Variants in MYLK3 observed in about 807,000 individuals in gnomAD.
MYLK3 encodes myosin light chain kinase 3.
In MYLK3, 55 loss-of-function variants were observed where a neutral mutation model predicts 76.3. That is an observed-to-expected ratio of 0.72 (90% CI 0.58 to 0.90). MYLK3 has a LOEUF of 0.90. MYLK3 is among the 40% of genes least tolerant of loss of function. The pLI is 0.00. For missense variants in MYLK3, 973 were observed against 1,053.6 expected (o/e 0.92, Z 1.06); for synonymous variants, 416 against 425.4 (o/e 0.98, Z 0.27).
At chr16:46,762,347 T>C (rs781349220) in intron 1 of MYLK3, among the ~76,000 whole-genome samples, 9 of 152,232 alleles carry the variant, frequency 5.9e-5, no homozygotes, top group Non-Finnish European at 1.0e-4. Context: ...AAATTAAGTG[T>C]GTAGTTTATT....
chr16:46,731,534 T>C (rs955431031), intron 4 of MYLK3, among the ~76,000 whole-genome samples: 10 of 152,102 alleles, frequency 6.6e-5, no homozygotes, highest in African/African-American at 9.7e-5. Context: ...TGGGAGCACT[T>C]TGCCTGCTCT....
intron 1 of MYLK3, among the ~76,000 whole-genome samples, chr16:46,757,023 G>A (rs181617496): frequency 3.9e-4 from 59 of 152,202 alleles, no homozygotes; most frequent in Admixed American, 1.9e-3. Context: ...TAAGCCAGTG[G>A]ACCTCCTCCC....
chr16:46,707,695 AG>A lies in MYLK3; in HGVS notation c.*8del. 6.3e-7 allele frequency: 1 copy of A among 1,598,822 alleles called. No individual in the cohort carries two copies. The highest frequency in any genetic ancestry group is 1.3e-5 in the African/African-American group (1 of 74,684). ...ATTTCTGGACCCATTGGAGCAGCAG[AG>A]TTGAAGATTAGGGAGAAGTTGGAAA... is the stretch of plus-strand genomic sequence containing the variant. On this transcript the variant is annotated 3_prime_UTR_variant, in exon 13 of 13. Coordinates refer to ENST00000394809, the MANE Select transcript of MYLK3 (RefSeq NM_182493.3).
At chr16:46,719,793 A>T (rs1332959854) in intron 9 of MYLK3, among the ~76,000 whole-genome samples, 2 of 152,248 alleles carry the variant, frequency 1.3e-5, no homozygotes, top group African/African-American at 4.8e-5. Context: ...GGGTGGCGCC[A>T]TGGGTAGTGT....
chr16:46,713,199 CTT>C (rs11408687), intron 9 of MYLK3, among the ~76,000 whole-genome samples: 9 of 137,810 alleles, frequency 6.5e-5, no homozygotes, highest in Non-Finnish European at 7.7e-5. Flanking sequence ...TATATGATGC[CTT>C]TTTTTTTTTT....
intron 3 of MYLK3, among the ~76,000 whole-genome samples, chr16:46,734,985 T>C (rs1567287982): frequency 1.3e-5 from 2 of 151,666 alleles, no homozygotes; most frequent in East Asian, 3.9e-4. Context: ...TACAAAAACA[T>C]AAAAAATTAA....
rs1418764729 is a variant in MYLK3, at chr16:46,725,506, AT to A, written c.1914+1729del. On this transcript the variant is annotated intron_variant, in intron 8 of 12. Coordinates refer to ENST00000394809, the MANE Select transcript of MYLK3 (RefSeq NM_182493.3). ...GAAAAGTTTTTGGATTTTGTCAATT[AT>A]TTTTTCTCATCTATTAAAATGATTA... 2.0e-5 allele frequency among the ~76,000 whole-genome samples: 3 copies of A among 152,146 alleles called. No homozygotes were observed. In the East Asian group the frequency reaches 5.8e-4, roughly 29 times the overall value.
At chr16:46,735,402 C>T (rs948433766) in intron 3 of MYLK3, among the ~76,000 whole-genome samples, 6 of 152,110 alleles carry the variant, frequency 3.9e-5, no homozygotes, top group Admixed American at 1.3e-4. Flanking sequence ...GACAGGGTTT[C>T]ACCATTTTGG....
Position 46,748,130 on chromosome 16 carries a change from A to C in MYLK3, c.64T>G (p.Leu22Val). 6.2e-7 allele frequency: 1 copy of C among 1,614,238 alleles called. No homozygotes were observed. Among genetic ancestry groups the C allele is most frequent in the South Asian group, 1.1e-5 (1 of 91,088 alleles). ...GGLPGLGKTC[L>V]TTMDTKLNML... ...TTCAGCTTTGTGTCCATGGTTGTTAAGCAGGTCTTGCCCAACCCTGGCAGC... is the reference window on the plus strand; with the variant it reads ...TTCAGCTTTGTGTCCATGGTTGTTACGCAGGTCTTGCCCAACCCTGGCAGC... The change falls in exon 1 of 13, where the codon TTA (leucine) becomes GTA (valine). Residue 22 changes from leucine to valine, a missense_variant. Leu to Val is a conservative substitution (Grantham distance 32). Around this residue, in one of 2 missense-constraint regions of MYLK3, gnomAD observed 641 missense variants for 637.0 expected, o/e 1.01. Coordinates refer to ENST00000394809, the MANE Select transcript of MYLK3 (RefSeq NM_182493.3). The surrounding 1 kb of genome is among the most constrained non-coding windows in gnomAD (Gnocchi z 4.3).
chr16:46,741,882 C>CA (rs1309714770), intron 1 of MYLK3, among the ~76,000 whole-genome samples: 1 of 151,864 alleles, frequency 6.6e-6, no homozygotes, highest in Non-Finnish European at 1.5e-5. Context: ...GTGATCCTCT[C>CA]ACCTCAGCCT....
chr16:46,710,318 TA>T (rs1452841343), intron 11 of MYLK3, among the ~76,000 whole-genome samples: 1 of 152,246 alleles, frequency 6.6e-6, no homozygotes, highest in Non-Finnish European at 1.5e-5. Flanking sequence ...TTCAGATCTT[TA>T]TTCTGGAAAT....
chr16:46,715,074 A>G (rs1382342551), intron 9 of MYLK3, among the ~76,000 whole-genome samples: 1 of 152,198 alleles, frequency 6.6e-6, no homozygotes, highest in Non-Finnish European at 1.5e-5. Flanking sequence ...CACCATAGAG[A>G]CACGATGGGC....
At chr16:46,725,864 T>C (rs536142104) in intron 8 of MYLK3, 23 of 152,382 alleles carry the variant, frequency 1.5e-4, no homozygotes, top group Admixed American at 7.2e-4. Context: ...TTGGTTTTTA[T>C]TGCATTTGCT....
chr16:46,753,079 G>A (rs969147797), upstream of MYLK3, among the ~76,000 whole-genome samples: 1 of 152,178 alleles, frequency 6.6e-6, no homozygotes, highest in Non-Finnish European at 1.5e-5. Flanking sequence ...AAAACTGGTG[G>A]AGGAGAGGTA....
upstream of MYLK3, among the ~76,000 whole-genome samples, chr16:46,751,526 C>A (rs1360796909): frequency 1.4e-4 from 22 of 152,250 alleles, no homozygotes; most frequent in Admixed American, 1.4e-3. Flanking sequence ...TCCCTGAGGG[C>A]AGACCAAGCC....
At position 46,730,711 on chromosome 16, in the gene MYLK3, C is replaced by T. The variant is rs766203424; in HGVS notation, c.1463-13G>A. 2 of 1,612,748 alleles carry T rather than the reference C, an allele frequency of 1.2e-6. No individual in the cohort carries two copies. Among genetic ancestry groups the T allele is most frequent in the South Asian group, 2.2e-5 (2 of 91,056 alleles). On this transcript the variant is annotated splice_polypyrimidine_tract_variant and intron_variant, in intron 4 of 12. Coordinates refer to ENST00000394809, the MANE Select transcript of MYLK3 (RefSeq NM_182493.3). ...GCCGGACTGTCATCTGCTCAGGAGG[C>T]AATAAGGACCTGTGAGCCTCCTCTG... is the stretch of plus-strand genomic sequence containing the variant.
chr16:46,728,223 C>T (rs1409557983), intron 7 of MYLK3, among the ~76,000 whole-genome samples: 8 of 152,148 alleles, frequency 5.3e-5, no homozygotes, highest in Admixed American at 3.3e-4. Flanking sequence ...AGCACTGGGG[C>T]GGTTGGGAGT....
intron 10 of MYLK3, chr16:46,711,841 G>C (rs1051804549): frequency 5.0e-6 from 1 of 199,420 alleles, no homozygotes; most frequent in African/African-American, 2.4e-5. Context: ...TAACTCTCAG[G>C]GGGTATTCCA....
chr16:46,710,061 T>C (rs1041610155), intron 11 of MYLK3, among the ~76,000 whole-genome samples: 1 of 152,246 alleles, frequency 6.6e-6, no homozygotes, highest in African/African-American at 2.4e-5. Context: ...CTTGTTCATC[T>C]GACTTAGAAT....
Sources: allele counts gnomAD v4.1 joint callset (sites outside exome capture counted in the v4.1 genomes callset), GRCh38; gene constraint gnomAD v4.1.1; regional missense constraint gnomAD v4.1.1; non-coding constraint Gnocchi (gnomAD v3.1); transcripts MANE v1.5; gene names NCBI Gene and HGNC (gene_info 2026-07-23, HGNC 2026-07-21).